Variants in CHSY1 observed in about 807,000 individuals in gnomAD.
The protein encoded by CHSY1 is N-acetylgalactosaminyl-proteoglycan 3-beta-glucuronosyltransferase 1.
In CHSY1, 13 loss-of-function variants were observed where a neutral mutation model predicts 59.8. That is an observed-to-expected ratio of 0.22 (90% CI 0.14 to 0.35). The LOEUF is 0.35. CHSY1 is among the 10% of genes least tolerant of loss of function. The pLI is 1.00. For synonymous variants in CHSY1, 459 were observed against 401.2 expected, an observed-to-expected ratio of 1.14 and a Z score of -1.72; for missense variants, 947 against 1,030.6, an observed-to-expected ratio of 0.92 and a Z score of 1.11.
chr15:101,241,151 A>C (rs1359566145), intron 1 of CHSY1, among the ~76,000 whole-genome samples: 2 of 152,122 alleles, frequency 1.3e-5, no homozygotes, highest in Non-Finnish European at 2.9e-5. Context: ...GCTGGAGTGC[A>C]ACAGCGTGAT....
Position 101,178,419 on chromosome 15 carries a change from C to T in CHSY1, c.1378G>A (p.Gly460Arg). The T allele has an allele frequency of 6.2e-7, 1 of 1,613,876 alleles. No individual in the cohort carries two copies. The highest frequency in any genetic ancestry group is 8.5e-7 in the Non-Finnish European group (1 of 1,179,748). ...DLLLLYKKHK[G>R]KKMTVPVRRH... The stretch of plus-strand genomic sequence containing the variant: ...CTCACAGGGACCGTCATTTTCTTCC[C>T]TTTGTGCTTTTTGTACAGAAGCAGC... The change falls in exon 3 of 3, where the codon GGG becomes AGG. Residue 460 changes from glycine to arginine, a missense_variant. Physicochemically the swap from Gly to Arg is moderately radical, Grantham distance 125. Coordinates refer to ENST00000254190, the MANE Select transcript of CHSY1 (RefSeq NM_014918.5).
At chr15:101,222,382 T>A (rs541196310) in intron 2 of CHSY1, among the ~76,000 whole-genome samples, 1 of 152,234 alleles carries the variant, frequency 6.6e-6, no homozygotes. Flanking sequence ...ATTGTAAAGA[T>A]GGCAGAGACA....
chr15:101,221,003 G>A (rs1366943467), intron 2 of CHSY1, among the ~76,000 whole-genome samples: 1 of 151,682 alleles, frequency 6.6e-6, no homozygotes, highest in Non-Finnish European at 1.5e-5. Context: ...CCATCAGTCG[G>A]CCGCCTTATC....
At chr15:101,200,443 C>T (rs1177438751) in intron 2 of CHSY1, among the ~76,000 whole-genome samples, 1 of 152,132 alleles carries the variant, frequency 6.6e-6, no homozygotes, top group African/African-American at 2.4e-5. Context: ...TTGTCTCCTG[C>T]CTGGTTTGGA....
At chr15:101,239,095 GCT>G (rs1259705280) in intron 1 of CHSY1, among the ~76,000 whole-genome samples, 2 of 152,164 alleles carry the variant, frequency 1.3e-5, no homozygotes, top group African/African-American at 4.8e-5. Flanking sequence ...CCCTGATAAT[GCT>G]CTCTTTATAG....
intron 2 of CHSY1, among the ~76,000 whole-genome samples, chr15:101,229,215 T>A (rs1235896751): frequency 2.0e-5 from 3 of 152,220 alleles, no homozygotes; most frequent in Non-Finnish European, 4.4e-5. Flanking sequence ...TCCTCCTCTA[T>A]CAGTAATTAT....
chr15:101,241,193 C>T lies in CHSY1; in HGVS notation c.321-5616G>A, dbSNP rs546345965. Among the ~76,000 whole-genome samples, 5 of 152,260 alleles carry T rather than the reference C, an allele frequency of 3.3e-5. No individual in the cohort carries two copies. In the South Asian group the frequency reaches 1.0e-3, roughly 32 times the overall value. On this transcript the variant is annotated intron_variant, in intron 1 of 2. Coordinates refer to ENST00000254190, the MANE Select transcript of CHSY1 (RefSeq NM_014918.5). Reference sequence around the variant, plus strand: ...GCAACCTCCGTCTCCCAGGTTCAAACGATTCTCCTGCCTCAGCCTCCCGAG... The same window carrying T: ...GCAACCTCCGTCTCCCAGGTTCAAATGATTCTCCTGCCTCAGCCTCCCGAG...
chr15:101,225,639 G>C (rs2038833865), intron 2 of CHSY1, among the ~76,000 whole-genome samples: 1 of 152,142 alleles, frequency 6.6e-6, no homozygotes, highest in African/African-American at 2.4e-5. Context: ...TGCCATGTGA[G>C]ATGTCGACTC....
rs1295943958 is a variant in CHSY1, at chr15:101,177,983, G to C, written c.1814C>G (p.Ser605Cys). ...PKADMQILPV[S>C]GEFSRALALE... ...GGCCAGGGCTCTTGAAAACTCTCCA[G>C]ACACAGGCAAAATCTGCATGTCGGC... The change falls in exon 3 of 3, where the codon TCT (serine) becomes TGT (cysteine). Residue 605 changes from serine to cysteine, a missense_variant. Ser to Cys is a moderately radical substitution (Grantham distance 112). Coordinates refer to ENST00000254190, the MANE Select transcript of CHSY1 (RefSeq NM_014918.5). The C allele has an allele frequency of 6.2e-7, 1 of 1,614,182 alleles. No homozygotes were observed. The highest frequency in any genetic ancestry group is 1.1e-5 in the South Asian group (1 of 91,086).
chr15:101,238,401 C>A (rs576611612), intron 1 of CHSY1, among the ~76,000 whole-genome samples: 6 of 152,264 alleles, frequency 3.9e-5, no homozygotes, highest in African/African-American at 1.4e-4. Context: ...AAAACAACTT[C>A]GAATGTATCT....
At chr15:101,247,202 GCTTT>G (rs1209277580) in intron 1 of CHSY1, among the ~76,000 whole-genome samples, 6 of 152,008 alleles carry the variant, frequency 3.9e-5, no homozygotes, top group Admixed American at 2.6e-4. Context: ...GGCCTTCTTG[GCTTT>G]CTTTCTTTTA....
At position 101,251,313 on chromosome 15, in the gene CHSY1, G is replaced by A. The variant is rs2141286149; in HGVS notation, c.144C>T (p.Cys48=). The change falls in exon 1 of 3, where the codon TGC becomes TGT. Residue 48 remains cysteine (C), a synonymous_variant. Transcript: ENST00000254190. ...GPRRRASPEG[C]RSGQAAASQA... The stretch of plus-strand genomic sequence containing the variant: ...GGGAAGCCGCCGCCTGCCCGGACCG[G>A]CAGCCCTCGGGGCTGGCGCGGCGCC... The A allele has an allele frequency of 1.8e-6, 2 of 1,138,738 alleles. No individual in the cohort carries two copies. The highest frequency in any genetic ancestry group is 2.2e-6 in the Non-Finnish European group (2 of 929,216). The allele number at this position is 1,138,738 out of a possible 1,614,324, so 70.5% of individuals were successfully genotyped here. A position where few individuals can be genotyped will look rare whatever the true frequency, so the allele number is the denominator to read the frequency against.
rs566861703 is a variant in CHSY1, at chr15:101,181,180, G to A, written c.817-2200C>T. On this transcript the variant is annotated intron_variant, in intron 2 of 2. Coordinates refer to ENST00000254190, the MANE Select transcript of CHSY1 (RefSeq NM_014918.5). Reference sequence around the variant, plus strand: ...ACTGCGCAGGCCACCAGACCCCACCGCTGACTGCACCTGAGGATCTCATGG... The same window carrying A: ...ACTGCGCAGGCCACCAGACCCCACCACTGACTGCACCTGAGGATCTCATGG... Among the ~76,000 whole-genome samples the A allele has an allele frequency of 1.2e-4, 19 of 152,204 alleles. No individual in the cohort carries two copies. The East Asian group carries it at 2.5e-3, about 20-fold the overall frequency.
At chr15:101,188,933 G>C (rs79577379) in intron 2 of CHSY1, among the ~76,000 whole-genome samples, 73 of 152,152 alleles carry the variant, frequency 4.8e-4, no homozygotes, top group African/African-American at 1.6e-3. Flanking sequence ...GAATGCACCA[G>C]GCATCGCCTT....
chr15:101,186,528 GC>G (rs2038367681), intron 2 of CHSY1, among the ~76,000 whole-genome samples: 1 of 152,160 alleles, frequency 6.6e-6, no homozygotes, highest in South Asian at 2.1e-4. Flanking sequence ...ACTGGGCTGG[GC>G]AAGGTGGCTC....
intron 2 of CHSY1, among the ~76,000 whole-genome samples, chr15:101,215,423 G>T (rs1375892674): frequency 6.6e-6 from 1 of 152,196 alleles, no homozygotes; most frequent in African/African-American, 2.4e-5. Context: ...AGTTGCTATG[G>T]TATAGAATCT....
intron 2 of CHSY1, among the ~76,000 whole-genome samples, chr15:101,216,603 C>A (rs567540231): frequency 5.9e-5 from 9 of 152,210 alleles, no homozygotes; most frequent in African/African-American, 2.2e-4. Flanking sequence ...GATGCAGACT[C>A]CTAGGTGAAA....
At chr15:101,241,447 G>A (rs2039000587) in intron 1 of CHSY1, among the ~76,000 whole-genome samples, 1 of 152,186 alleles carries the variant, frequency 6.6e-6, no homozygotes, top group Non-Finnish European at 1.5e-5. Flanking sequence ...TATATTTAGA[G>A]CTGGAAAAAA....
intron 2 of CHSY1, among the ~76,000 whole-genome samples, chr15:101,203,900 C>T (rs1380236071): frequency 6.6e-6 from 1 of 152,082 alleles, no homozygotes; most frequent in Non-Finnish European, 1.5e-5. Context: ...GCATGTGACC[C>T]TAGACTACAC....
Sources: allele counts gnomAD v4.1 joint callset (sites outside exome capture counted in the v4.1 genomes callset), GRCh38; gene constraint gnomAD v4.1.1; transcripts MANE v1.5; gene names NCBI Gene and HGNC (gene_info 2026-07-23, HGNC 2026-07-21).